The following PIBF1 variants were observed in gnomAD, a reference collection of about 807,000 sequenced individuals.
The protein encoded by PIBF1 is progesterone-induced-blocking factor 1.
A neutral mutation model predicts 112.5 loss-of-function variants in PIBF1; 90 were observed. The observed-to-expected ratio is 0.80, with a 90% CI of 0.67 to 0.95. PIBF1 has a LOEUF of 0.95. Ranked by LOEUF, PIBF1 falls within the 40% of genes least tolerant of loss-of-function variation. PIBF1 has a pLI of 0.00. For missense variants in PIBF1, 915 were observed against 852.3 expected, an observed-to-expected ratio of 1.07 and a Z score of -0.92; for synonymous variants, 301 against 288.6, an observed-to-expected ratio of 1.04 and a Z score of -0.44.
At chr13:72,827,584 T>C (rs2036878478) in intron 7 of PIBF1, 149 bp from the exon 8 acceptor site, 1 of 461,468 alleles carries the variant, frequency 2.2e-6, no homozygotes, top group Non-Finnish European at 3.7e-6. Context: ...TTTTAGATTT[T>C]AAAAAAGTTG....
At chr13:72,894,055 C>T (rs1594138999) in intron 11 of PIBF1, 106 bp downstream of exon 11, 1 of 30,866 alleles carries the variant, frequency 3.2e-5, no homozygotes, top group East Asian at 9.0e-4. Flanking sequence ...CACTATCCTG[C>T]ACAAAAAAAA....
intron 2 of PIBF1, among the ~76,000 whole-genome samples, chr13:72,786,497 A>C (rs1398057552): frequency 6.6e-6 from 1 of 152,128 alleles, no homozygotes; most frequent in Non-Finnish European, 1.5e-5. Flanking sequence ...TTTCCTACTC[A>C]GCACTGTTTT....
At chr13:72,925,408 G>T (rs2041445042) in intron 13 of PIBF1, among the ~76,000 whole-genome samples, 1 of 151,916 alleles carries the variant, frequency 6.6e-6, no homozygotes, top group African/African-American at 2.4e-5. Flanking sequence ...TTTGTACCAG[G>T]TATTTATTGT....
chr13:72,835,414 G>A (rs768558593), intron 9 of PIBF1, 46 bp downstream of exon 9: 160 of 1,421,558 alleles, frequency 1.1e-4, no homozygotes, highest in Non-Finnish European at 1.5e-4. Flanking sequence ...TATCTTTGGA[G>A]GTTTTAGAAG....
intron 13 of PIBF1, among the ~76,000 whole-genome samples, chr13:72,924,728 A>AT (rs1207372136): frequency 2.6e-5 from 4 of 151,760 alleles, no homozygotes; most frequent in Non-Finnish European, 5.9e-5. Context: ...AAAAAAAAAA[A>AT]GAAGATTTAT....
At chr13:72,785,926 T>C (rs776638611) in intron 2 of PIBF1, among the ~76,000 whole-genome samples, 29 of 152,200 alleles carry the variant, frequency 1.9e-4, no homozygotes, top group Non-Finnish European at 3.5e-4. Context: ...ATTATAGAAA[T>C]GTTGGTTGAT....
intron 16 of PIBF1, among the ~76,000 whole-genome samples, chr13:72,988,327 C>G (rs930810523): frequency 1.3e-5 from 2 of 152,060 alleles, no homozygotes; most frequent in Non-Finnish European, 2.9e-5. Context: ...CTTCCTCCCT[C>G]CAGACCTAAA....
At chr13:72,976,722 G>T (rs1244972546) in intron 16 of PIBF1, among the ~76,000 whole-genome samples, 1 of 152,158 alleles carries the variant, frequency 6.6e-6, no homozygotes, top group Non-Finnish European at 1.5e-5. Context: ...AAAGAAAACA[G>T]CTGGTGTGAC....
intron 11 of PIBF1, among the ~76,000 whole-genome samples, chr13:72,897,078 C>A (rs1312460854): frequency 6.6e-6 from 1 of 152,084 alleles, no homozygotes; most frequent in Non-Finnish European, 1.5e-5. Context: ...TAGAGGAAAA[C>A]CTATAAGATT....
intron 16 of PIBF1, among the ~76,000 whole-genome samples, chr13:72,986,600 C>T (rs1418104407): frequency 6.7e-6 from 1 of 150,216 alleles, no homozygotes; most frequent in African/African-American, 2.4e-5. Context: ...CATTTGCTAT[C>T]ATTCGTATAA....
intron 11 of PIBF1, among the ~76,000 whole-genome samples, chr13:72,901,840 C>G (rs1222962313): frequency 6.6e-6 from 1 of 152,090 alleles, no homozygotes; most frequent in Non-Finnish European, 1.5e-5. Context: ...CCATTTGATC[C>G]AGCAATCCCA....
At chr13:72,999,165 C>G (rs2043778512) in intron 17 of PIBF1, among the ~76,000 whole-genome samples, 170 bp downstream of exon 17, 1 of 152,048 alleles carries the variant, frequency 6.6e-6, no homozygotes, top group South Asian at 2.1e-4. Flanking sequence ...TGTATATTAC[C>G]TATCTTATAG....
intron 14 of PIBF1, among the ~76,000 whole-genome samples, chr13:72,956,904 A>T (rs897044687): frequency 5.3e-5 from 8 of 152,184 alleles, no homozygotes; most frequent in Non-Finnish European, 1.0e-4. Context: ...GCAAACAAAC[A>T]TGTAAAAAAT....
At chr13:72,999,838 G>A (rs376202616) in intron 17 of PIBF1, among the ~76,000 whole-genome samples, 3 of 152,302 alleles carry the variant, frequency 2.0e-5, no homozygotes, top group African/African-American at 2.4e-5. Flanking sequence ...GGAGGCCAAA[G>A]TGGGAGGATC....
intron 5 of PIBF1, among the ~76,000 whole-genome samples, chr13:72,802,078 T>C (rs1286386550): frequency 1.3e-5 from 2 of 152,206 alleles, no homozygotes; most frequent in South Asian, 2.1e-4. Flanking sequence ...TATGTACTAA[T>C]AGACTATGTT....
At chr13:72,896,837 G>A (rs2040299765) in intron 11 of PIBF1, among the ~76,000 whole-genome samples, 1 of 152,198 alleles carries the variant, frequency 6.6e-6, no homozygotes, top group Non-Finnish European at 1.5e-5. Flanking sequence ...CAGTGTTCCT[G>A]AGGAAGAAGA....
chr13:72,880,871 A>C (rs1212442312), intron 10 of PIBF1, among the ~76,000 whole-genome samples: 1 of 152,162 alleles, frequency 6.6e-6, no homozygotes, highest in African/African-American at 2.4e-5. Flanking sequence ...GGCAGACTTG[A>C]ATGCAGATTT....
chr13:72,793,179 A>G (rs1014534083), intron 3 of PIBF1, among the ~76,000 whole-genome samples: 4 of 152,230 alleles, frequency 2.6e-5, no homozygotes, highest in South Asian at 2.1e-4. Context: ...GAAATCATAC[A>G]TGATGATTTA....
chr13:72,997,401 C>T (rs1350123748), intron 16 of PIBF1, among the ~76,000 whole-genome samples: 1 of 152,142 alleles, frequency 6.6e-6, no homozygotes, highest in East Asian at 1.9e-4. Flanking sequence ...CCCAGATAAT[C>T]ATATATCAGA....
Sources: gnomAD v4.1 joint callset for allele counts (sites outside exome capture counted in the v4.1 genomes callset) on GRCh38, gnomAD v4.1.1 for gene constraint, MANE v1.5 for transcripts, NCBI Gene and HGNC (gene_info 2026-07-23, HGNC 2026-07-21) for gene names.